LEPR: variants seen among roughly 807,000 people sequenced by gnomAD.
The protein encoded by LEPR is leptin receptor, also known as OB receptor.
A neutral mutation model predicts 114.7 loss-of-function variants in LEPR; 56 were observed. The ratio of observed to expected loss-of-function variants is 0.49; its 90% CI spans 0.39 to 0.61. The LOEUF (loss-of-function observed/expected upper bound fraction) is 0.61. LEPR is among the 20% of genes least tolerant of loss of function. The pLI is 0.00. For missense variants in LEPR, 1,202 were observed against 1,352.9 expected (o/e 0.89, Z 1.75); for synonymous variants, 443 against 461.4 (o/e 0.96, Z 0.51).
intron 2 of LEPR, among the ~76,000 whole-genome samples, chr1:65,440,014 A>AAAG (rs1161237705): frequency 6.7e-6 from 1 of 149,926 alleles, no homozygotes; most frequent in Non-Finnish European, 1.5e-5. Context: ...AAAAAAAAAA[A>AAAG]AAAAAAAAAA....
intron 2 of LEPR, among the ~76,000 whole-genome samples, chr1:65,542,005 A>AAATT (rs1473978569): frequency 6.6e-6 from 1 of 152,214 alleles, no homozygotes; most frequent in East Asian, 1.9e-4. Flanking sequence ...TTTACAATAG[A>AAATT]AATTAAACAG....
intron 2 of LEPR, among the ~76,000 whole-genome samples, chr1:65,528,737 T>C (rs1022835230): frequency 2.6e-5 from 4 of 152,170 alleles, no homozygotes; most frequent in Admixed American, 6.5e-5. Context: ...ATTGCAAATA[T>C]CCCAAAACTT....
chr1:65,565,395 G>A lies in LEPR; in HGVS notation c.-20-151G>A, dbSNP rs114305277. ...GAATAAATCTGTAGCCTAATTTTAC[G>A]TGAGATATTTCTCAGATATTGATCT... On this transcript the variant is annotated intron_variant, in intron 2 of 19. Coordinates refer to ENST00000349533, the MANE Select transcript of LEPR (RefSeq NM_002303.6). Among the ~76,000 whole-genome samples, 857 of 152,220 alleles carry A rather than the reference G, an allele frequency of 5.6e-3. 10 individuals are homozygous for A. The highest frequency in any genetic ancestry group is 0.02 in the African/African-American group (823 of 41,550).
At chr1:65,493,453 C>G (rs1647983953) in intron 2 of LEPR, among the ~76,000 whole-genome samples, 1 of 152,074 alleles carries the variant, frequency 6.6e-6, no homozygotes, top group Admixed American at 6.6e-5. Flanking sequence ...TGGGGCCAAA[C>G]CCATGCCAGG....
At chr1:65,450,842 G>T (rs537592852) in intron 2 of LEPR, among the ~76,000 whole-genome samples, 4 of 151,914 alleles carry the variant, frequency 2.6e-5, no homozygotes, top group African/African-American at 9.6e-5. Context: ...GATCCCTGAG[G>T]AATCGCCACA....
chr1:65,453,746 A>G (rs941474120), intron 2 of LEPR, among the ~76,000 whole-genome samples: 1 of 152,146 alleles, frequency 6.6e-6, no homozygotes, highest in African/African-American at 2.4e-5. Context: ...CTGAAAAAAA[A>G]TGTATATTCT....
chr1:65,435,251 G>T, intron 2 of LEPR: 11 of 984,822 alleles, frequency 1.1e-5, no homozygotes, highest in Non-Finnish European at 1.3e-5. Flanking sequence ...TTACCTCTGA[G>T]GTATCTCCTC....
At chr1:65,481,759 A>G (rs1326225498) in intron 2 of LEPR, among the ~76,000 whole-genome samples, 1 of 151,678 alleles carries the variant, frequency 6.6e-6, no homozygotes, top group African/African-American at 2.4e-5. Flanking sequence ...ATATACTTCA[A>G]CTTTGGTACA....
chr1:65,609,857 T>C, intron 12 of LEPR, 90 bp from the exon 13 acceptor site: 1 of 1,557,444 alleles, frequency 6.4e-7, no homozygotes, highest in South Asian at 1.1e-5. Flanking sequence ...TTTGGAATAG[T>C]GTTAAGGTTT....
At chr1:65,588,148 T>C (rs1182659222) in intron 5 of LEPR, among the ~76,000 whole-genome samples, 1 of 152,054 alleles carries the variant, frequency 6.6e-6, no homozygotes, top group African/African-American at 2.4e-5. Context: ...GCTCTTATTC[T>C]ATAGTCACTT....
chr1:65,610,366 A>G lies in LEPR; in HGVS notation c.1995+70A>G, dbSNP rs1032208989. The G allele has an allele frequency of 8.8e-6, 11 of 1,256,050 alleles. No homozygotes were observed. In the African/African-American group the frequency reaches 1.5e-4, roughly 17 times the overall value. The allele number at this position is 1,256,050 out of a possible 1,614,324, so 77.8% of individuals were successfully genotyped here. A position where few individuals can be genotyped will look rare whatever the true frequency, so the allele number is the denominator to read the frequency against. On this transcript the variant is annotated intron_variant, in intron 14 of 19. Transcript: ENST00000349533. ...CTTAAAAATTTACTTCATGGTCCATAATCCTGTTATTAATCTTCGGAAAGC... is the reference window on the plus strand; with the variant it reads ...CTTAAAAATTTACTTCATGGTCCATGATCCTGTTATTAATCTTCGGAAAGC...
At chr1:65,527,580 T>G (rs1650060649) in intron 2 of LEPR, among the ~76,000 whole-genome samples, 1 of 152,206 alleles carries the variant, frequency 6.6e-6, no homozygotes, top group Non-Finnish European at 1.5e-5. Flanking sequence ...TAAGGACAGG[T>G]TTAAGAATAT....
intron 2 of LEPR, among the ~76,000 whole-genome samples, chr1:65,458,785 C>CT (rs963145671): frequency 6.6e-6 from 1 of 151,984 alleles, no homozygotes; most frequent in African/African-American, 2.4e-5. Flanking sequence ...TTTTCTGTTC[C>CT]TTTTTTTCTC....
chr1:65,496,935 G>A (rs544847326), intron 2 of LEPR, among the ~76,000 whole-genome samples: 1 of 151,950 alleles, frequency 6.6e-6, no homozygotes, highest in South Asian at 2.1e-4. Flanking sequence ...GGATCTCCAG[G>A]TGATTCATGT....
At chr1:65,464,479 A>C (rs1287678927) in intron 2 of LEPR, among the ~76,000 whole-genome samples, 2 of 152,162 alleles carry the variant, frequency 1.3e-5, no homozygotes, top group Non-Finnish European at 1.5e-5. Flanking sequence ...TATTGGCCTA[A>C]AATTCTCTTT....
At chr1:65,626,912 A>G (rs1045259540) in intron 19 of LEPR, among the ~76,000 whole-genome samples, 2 of 152,160 alleles carry the variant, frequency 1.3e-5, no homozygotes, top group African/African-American at 4.8e-5. Flanking sequence ...TGGACTTAAC[A>G]GATGTGAGCC....
chr1:65,627,928 G>C (rs911515956), intron 19 of LEPR, among the ~76,000 whole-genome samples: 2 of 151,900 alleles, frequency 1.3e-5, no homozygotes, highest in Non-Finnish European at 2.9e-5. Context: ...GAAATTTCTA[G>C]ACATCTAACA....
At chr1:65,594,465 T>C (rs951283561) in intron 6 of LEPR, among the ~76,000 whole-genome samples, 1 of 151,692 alleles carries the variant, frequency 6.6e-6, no homozygotes, top group Non-Finnish European at 1.5e-5. Context: ...GTGGATGGAG[T>C]TGTAGAGTGT....
At chr1:65,613,043 G>A (rs1161041442) in intron 14 of LEPR, among the ~76,000 whole-genome samples, 1 of 152,112 alleles carries the variant, frequency 6.6e-6, no homozygotes, top group African/African-American at 2.4e-5. Flanking sequence ...CTACTTGAAG[G>A]TAGAGGACCT....
Sources: allele counts gnomAD v4.1 joint callset (sites outside exome capture counted in the v4.1 genomes callset), GRCh38; gene constraint gnomAD v4.1.1; transcripts MANE v1.5; gene names NCBI Gene and HGNC (gene_info 2026-07-23, HGNC 2026-07-21).